The following MED12L variants were observed in gnomAD, a reference collection of about 807,000 sequenced individuals.
The protein encoded by MED12L is mediator of RNA polymerase II transcription subunit 12-like protein.
MED12L carries 60 observed loss-of-function variants against 281.3 expected under a neutral mutation model. The ratio of observed to expected loss-of-function variants is 0.21; its 90% CI spans 0.17 to 0.26. The LOEUF (loss-of-function observed/expected upper bound fraction) is 0.26. Ranked by LOEUF, MED12L falls within the 10% of genes least tolerant of loss-of-function variation. MED12L has a pLI of 1.00. For missense variants in MED12L, 2,146 were observed against 2,680.9 expected, an observed-to-expected ratio of 0.80 and a Z score of 4.41; for synonymous variants, 974 against 987.2, an observed-to-expected ratio of 0.99 and a Z score of 0.25.
At chr3:151,171,928 C>G (rs1274429040) in intron 11 of MED12L, among the ~76,000 whole-genome samples, 1 of 152,196 alleles carries the variant, frequency 6.6e-6, no homozygotes, top group African/African-American at 2.4e-5. Flanking sequence ...AAGTACCATG[C>G]ATGGGGCCCA....
At chr3:151,277,206 C>G (rs1249934794) in intron 16 of MED12L, among the ~76,000 whole-genome samples, 1 of 150,920 alleles carries the variant, frequency 6.6e-6, no homozygotes, top group Non-Finnish European at 1.5e-5. Context: ...GCCTGGCCTC[C>G]TTGTTTTTTT....
chr3:151,313,082 A>G (rs989600799), intron 16 of MED12L, among the ~76,000 whole-genome samples: 2 of 152,152 alleles, frequency 1.3e-5, no homozygotes, highest in Non-Finnish European at 2.9e-5. Context: ...CTGTCGCTGG[A>G]GTGCTAGAGC....
intron 36 of MED12L, among the ~76,000 whole-genome samples, chr3:151,385,639 C>T (rs1293268521): frequency 6.6e-6 from 1 of 150,918 alleles, no homozygotes; most frequent in Non-Finnish European, 1.5e-5. Flanking sequence ...GAGTTTAAGG[C>T]TGCAATGTGC....
chr3:151,281,507 A>G (rs879862965), intron 16 of MED12L, among the ~76,000 whole-genome samples: 2 of 152,208 alleles, frequency 1.3e-5, no homozygotes, highest in Non-Finnish European at 2.9e-5. Flanking sequence ...ATAATACAAC[A>G]TAGCCAATAA....
At chr3:151,169,106 GT>G (rs765289999) in intron 11 of MED12L, among the ~76,000 whole-genome samples, 200 of 115,912 alleles carry the variant, frequency 1.7e-3, no homozygotes, top group South Asian at 2.6e-3. Context: ...CTTTTTCTTT[GT>G]TTTTTTTTTT....
rs574439787 is a variant in MED12L at position 151,247,210 on chromosome 3, C to T, written c.2250+53544C>T. ...CATTGTGGAAGTCAGTGTGGCGATT[C>T]CTCAGGGATCTAGAACTGGAAATAC... is the stretch of plus-strand genomic sequence containing the variant. On this transcript the variant is annotated intron_variant, in intron 16 of 44. Transcript: ENST00000687756. Among the ~76,000 whole-genome samples the T allele has an allele frequency of 3.0e-4, 46 of 152,158 alleles. No homozygotes were observed. In the South Asian group the frequency reaches 6.0e-3, roughly 20 times the overall value.
At position 151,097,884 on chromosome 3, in the gene MED12L, C is replaced by T. The variant is rs1286012608; in HGVS notation, c.99+10859C>T. On this transcript the variant is annotated intron_variant, in intron 2 of 44. Coordinates refer to ENST00000687756, the MANE Select transcript of MED12L (RefSeq NM_001393769.1). ...CTTGTAAATGAGGAGCACAATGTTT[C>T]AGATATTCTTTAAGAGGAAGGTACA... is the stretch of plus-strand genomic sequence containing the variant. Among the ~76,000 whole-genome samples, 8 of 152,190 alleles carry T rather than the reference C, an allele frequency of 5.3e-5. No individual in the cohort carries two copies. In the East Asian group the frequency reaches 1.5e-3, roughly 29 times the overall value.
intron 16 of MED12L, among the ~76,000 whole-genome samples, chr3:151,241,629 TACAC>T (rs554224150): frequency 3.3e-5 from 5 of 152,168 alleles, no homozygotes; most frequent in South Asian, 2.1e-4. Context: ...TGTGTGTATA[TACAC>T]ACACAGTAGG....
intron 16 of MED12L, among the ~76,000 whole-genome samples, chr3:151,205,868 G>C (rs558360629): frequency 5.9e-4 from 90 of 152,198 alleles, no homozygotes; most frequent in African/African-American, 2.1e-3. Context: ...ATGCCATTGG[G>C]TGGTAGAACA....
intron 11 of MED12L, among the ~76,000 whole-genome samples, chr3:151,173,287 G>A (rs1228044420): frequency 6.6e-6 from 1 of 152,148 alleles, no homozygotes; most frequent in African/African-American, 2.4e-5. Flanking sequence ...CAACTCATTG[G>A]TGGAAGAAAG....
chr3:151,352,922 TAAG>T (rs1248598815), intron 17 of MED12L, among the ~76,000 whole-genome samples: 3 of 152,084 alleles, frequency 2.0e-5, no homozygotes, highest in Admixed American at 2.0e-4. Context: ...CAAATTAACA[TAAG>T]AAAGATGAGG....
intron 2 of MED12L, among the ~76,000 whole-genome samples, chr3:151,107,983 G>A (rs1403372170): frequency 1.3e-5 from 2 of 152,166 alleles, no homozygotes; most frequent in East Asian, 1.9e-4. Context: ...TTTGATTTGG[G>A]GCCAGAGATA....
At chr3:151,284,403 G>T (rs1244035963) in intron 16 of MED12L, among the ~76,000 whole-genome samples, 1 of 152,110 alleles carries the variant, frequency 6.6e-6, no homozygotes, top group Non-Finnish European at 1.5e-5. Context: ...TTGTGGGAGG[G>T]TTGTGTGGTT....
chr3:151,435,122 C>G lies in MED12L; in HGVS notation c.*2318C>G, dbSNP rs889399313. 5 of 139,748 alleles carry G rather than the reference C, an allele frequency of 3.6e-5. No homozygotes were observed. The highest frequency in any genetic ancestry group is 1.5e-4 in the Admixed American group (2 of 13,272). 8.7% of individuals were successfully genotyped at this position (139,748 alleles called of 1,614,324 possible). A position where few individuals can be genotyped will look rare whatever the true frequency, so the allele number is the denominator to read the frequency against. ...GCATTCTTTTGCATTAAGATGGTCACAAGGTAAAGCCCTGTGGCAGAACCT... is the reference window on the plus strand; with the variant it reads ...GCATTCTTTTGCATTAAGATGGTCAGAAGGTAAAGCCCTGTGGCAGAACCT... On this transcript the variant is annotated 3_prime_UTR_variant, in exon 45 of 45. Transcript: ENST00000687756.
rs545907569 is a variant in MED12L, at chr3:151,414,834, T to C, written c.6298-1478T>C. Reference sequence around the variant, plus strand: ...GTTTCCAATGGTAAAAGCTCTCTAATCCTGTTTTGTCATGGAAATACTTAT... The same window carrying C: ...GTTTCCAATGGTAAAAGCTCTCTAACCCTGTTTTGTCATGGAAATACTTAT... On this transcript the variant is annotated intron_variant, in intron 42 of 44. Coordinates refer to ENST00000687756, the MANE Select transcript of MED12L (RefSeq NM_001393769.1). 7.8e-3 allele frequency among the ~76,000 whole-genome samples: 1,181 copies of C among 152,298 alleles called. 7 individuals carry two copies. The highest frequency in any genetic ancestry group is 0.024 in the South Asian group (115 of 4,828).
chr3:151,208,464 C>T (rs566533235), intron 16 of MED12L, among the ~76,000 whole-genome samples: 3 of 152,246 alleles, frequency 2.0e-5, no homozygotes, highest in East Asian at 1.9e-4. Context: ...GATGGATCAC[C>T]GGAGGTCGGG....
At chr3:151,086,270 G>C (rs1196286742) in intron 1 of MED12L, 4 of 152,322 alleles carry the variant, frequency 2.6e-5, no homozygotes, top group Middle Eastern at 3.2e-3. Flanking sequence ...CCGCATCCCT[G>C]CGTCTCGCGC....
At chr3:151,306,317 G>A (rs767494280) in intron 16 of MED12L, among the ~76,000 whole-genome samples, 3 of 152,214 alleles carry the variant, frequency 2.0e-5, no homozygotes, top group East Asian at 3.8e-4. Flanking sequence ...ATGTTGATTA[G>A]TTCACACCTG....
chr3:151,128,806 T>A (rs1004364094), intron 5 of MED12L, among the ~76,000 whole-genome samples: 9 of 152,350 alleles, frequency 5.9e-5, no homozygotes, highest in Admixed American at 3.9e-4. Context: ...TTTAAAATAT[T>A]TGTATCTGTC....
Sources: allele counts gnomAD v4.1 joint callset (sites outside exome capture counted in the v4.1 genomes callset), GRCh38; gene constraint gnomAD v4.1.1; transcripts MANE v1.5; gene names NCBI Gene and HGNC (gene_info 2026-07-23, HGNC 2026-07-21).